EIF2AK1: variants seen among roughly 807,000 people sequenced by gnomAD.
EIF2AK1 encodes the protein eukaryotic translation initiation factor 2 alpha kinase 1.
Under a neutral mutation model 77.9 loss-of-function variants are expected in EIF2AK1, and 54 were observed. The ratio of observed to expected loss-of-function variants is 0.69; its 90% CI spans 0.56 to 0.87. The LOEUF is 0.87. Ranked by LOEUF, EIF2AK1 falls within the 40% of genes least tolerant of loss-of-function variation. The pLI is 0.00. For synonymous variants in EIF2AK1, 314 were observed against 290.5 expected, an observed-to-expected ratio of 1.08 and a Z score of -0.82; for missense variants, 810 against 768.6, an observed-to-expected ratio of 1.05 and a Z score of -0.64.
intron 11 of EIF2AK1, among the ~76,000 whole-genome samples, chr7:6,030,601 C>G (rs1176383482): frequency 6.6e-6 from 1 of 152,174 alleles, no homozygotes; most frequent in Non-Finnish European, 1.5e-5. Context: ...CAGGTTCAAA[C>G]AATTCTCCTG....
At chr7:6,057,126 CTT>C (rs34958065) in intron 1 of EIF2AK1, among the ~76,000 whole-genome samples, 130 of 90,710 alleles carry the variant, frequency 1.4e-3, no homozygotes, top group Non-Finnish European at 2.2e-3. Flanking sequence ...GACCCCATCT[CTT>C]TTTTTTTTTT....
Position 6,034,514 on chromosome 7 carries a change from A to T in EIF2AK1, c.1332+2910T>A, listed in dbSNP as rs528771953. ...TCCTACCCTGCATACTGCATGCACT[A>T]TGTGAGGCTTCTGCACCTCTCTAGA... On this transcript the variant is annotated intron_variant, in intron 11 of 14. Transcript: ENST00000199389. Among the ~76,000 whole-genome samples the T allele has an allele frequency of 2.6e-5, 4 of 151,984 alleles. No individual in the cohort carries two copies. In the South Asian group the frequency reaches 8.3e-4, roughly 32 times the overall value.
At position 6,042,797 on chromosome 7, in the gene EIF2AK1, C is replaced by T. The variant is rs1788335006; in HGVS notation, c.791+136G>A. 4.8e-6 allele frequency: 3 copies of T among 631,202 alleles called. No individual in the cohort carries two copies. The South Asian group carries it at 6.3e-5, about 13-fold the overall frequency. 39.1% of individuals were successfully genotyped at this position (631,202 alleles called of 1,614,324 possible). A position where few individuals can be genotyped will look rare whatever the true frequency, so the allele number is the denominator to read the frequency against. On this transcript the variant is annotated intron_variant, in intron 8 of 14. Coordinates refer to ENST00000199389, the MANE Select transcript of EIF2AK1 (RefSeq NM_014413.4). ...AGGAGAATCACTGCAACACAGGAGG[C>T]GGAGGTTGCAGTGAGCCAAGATTGT...
intron 2 of EIF2AK1, among the ~76,000 whole-genome samples, chr7:6,051,335 G>A (rs1419332324): frequency 6.8e-6 from 1 of 147,828 alleles, no homozygotes; most frequent in Non-Finnish European, 1.5e-5. Flanking sequence ...GCAATGGCAC[G>A]ATCTCGGCTC....
chr7:6,050,116 G>A (rs535789453), intron 2 of EIF2AK1, 71 bp from the exon 3 acceptor site: 7 of 1,258,250 alleles, frequency 5.6e-6, no homozygotes, highest in East Asian at 2.5e-5. Context: ...AGTGTACACA[G>A]AGAATAACGT....
chr7:6,027,083 A>T lies in EIF2AK1; in HGVS notation c.1531-122T>A. On this transcript the variant is annotated intron_variant, in intron 13 of 14. Transcript: ENST00000199389. This position sits in a 1 kb window ranked among gnomAD's most constrained non-coding sequence, Gnocchi z 4.5. ...TAAGAATGAGGATATACGGTCACCC[A>T]CAAGGAAGGGAACAGAGCAGGATAG... 1 of 793,934 alleles carries T rather than the reference A, an allele frequency of 1.3e-6. No individual in the cohort carries two copies. The highest frequency in any genetic ancestry group is 1.6e-5 in the South Asian group (1 of 62,694). 49.2% of individuals were successfully genotyped at this position (793,934 alleles called of 1,614,324 possible).
Position 6,046,156 on chromosome 7 carries a change from A to C in EIF2AK1, c.550-5T>G. ...ACCATCTAATTTATTCCTGACCTGA[A>C]AAGTAGAAAAAAAGACAAAGTATAT... On this transcript the variant is annotated splice_polypyrimidine_tract_variant and splice_region_variant and intron_variant, in intron 5 of 14. Transcript: ENST00000199389. 6.8e-7 allele frequency: 1 copy of C among 1,479,222 alleles called. No individual in the cohort carries two copies. The highest frequency in any genetic ancestry group is 9.1e-7 in the Non-Finnish European group (1 of 1,094,590). 91.6% of individuals were successfully genotyped at this position (1,479,222 alleles called of 1,614,324 possible).
chr7:6,053,514 G>A (rs1298685753), intron 2 of EIF2AK1, among the ~76,000 whole-genome samples: 5 of 151,428 alleles, frequency 3.3e-5, no homozygotes, highest in Non-Finnish European at 7.4e-5. Flanking sequence ...ACAGGTGCCC[G>A]CCACCATGCC....
At chr7:6,030,097 C>T (rs1260537802) in intron 11 of EIF2AK1, among the ~76,000 whole-genome samples, 1 of 152,192 alleles carries the variant, frequency 6.6e-6, no homozygotes, top group Non-Finnish European at 1.5e-5. Flanking sequence ...GCACCGGCAG[C>T]CAGCCTGCAA....
At chr7:6,041,960 A>G (rs1182444893) in intron 8 of EIF2AK1, among the ~76,000 whole-genome samples, 3 of 152,048 alleles carry the variant, frequency 2.0e-5, no homozygotes, top group Admixed American at 6.6e-5. Flanking sequence ...ACTAGCCTGA[A>G]CAGCATGGCA....
rs922771497 is a variant in EIF2AK1 at position 6,041,205 on chromosome 7, ACAC to A, written c.803_805del (p.Gly268del). On this transcript the variant is annotated inframe_deletion, in exon 9 of 15. Transcript: ENST00000199389. ...TGAGCTGCTACTTTCATCATTTTTA[ACAC>A]CACATTGCTCTCTGAAAAAAAAAAA... The A allele has an allele frequency of 1.9e-6, 3 of 1,604,630 alleles. No homozygotes were observed. In the African/African-American group the frequency reaches 4.2e-5, roughly 22 times the overall value.
chr7:6,041,860 A>G (rs1788308800), intron 8 of EIF2AK1, among the ~76,000 whole-genome samples: 1 of 151,348 alleles, frequency 6.6e-6, no homozygotes, highest in Non-Finnish European at 1.5e-5. Context: ...AAAAAAGCCA[A>G]TGTATAGGTC....
chr7:6,045,104 T>C (rs550045384), intron 6 of EIF2AK1, among the ~76,000 whole-genome samples: 3 of 151,922 alleles, frequency 2.0e-5, no homozygotes, highest in African/African-American at 4.8e-5. Context: ...GTTAAAATAA[T>C]AGAAATTTTT....
In EIF2AK1 at chr7:6,022,918, T is replaced by G; in HGVS notation, c.*1755A>C. Reference sequence around the variant, plus strand: ...GAGATAAGCGAGTTCATGTCATTCATATCTTAATTGCCCTCAGTCTCACAG... The same window carrying G: ...GAGATAAGCGAGTTCATGTCATTCAGATCTTAATTGCCCTCAGTCTCACAG... On this transcript the variant is annotated 3_prime_UTR_variant, in exon 15 of 15. Coordinates refer to ENST00000199389, the MANE Select transcript of EIF2AK1 (RefSeq NM_014413.4). The G allele has an allele frequency of 5.0e-6, 1 of 198,092 alleles. No homozygotes were observed. The highest frequency in any genetic ancestry group is 1.0e-5 in the Non-Finnish European group (1 of 96,788). 12.3% of individuals were successfully genotyped at this position (198,092 alleles called of 1,614,324 possible). A position where few individuals can be genotyped will look rare whatever the true frequency, so the allele number is the denominator to read the frequency against.
chr7:6,038,816 A>C, intron 9 of EIF2AK1, 145 bp from the exon 10 acceptor site: 1 of 565,888 alleles, frequency 1.8e-6, no homozygotes, highest in Non-Finnish European at 2.9e-6. Flanking sequence ...TTCTCTTTGC[A>C]AGACAGAAGT....
chr7:6,041,566 G>A (rs1056293424), intron 8 of EIF2AK1, among the ~76,000 whole-genome samples: 3 of 151,950 alleles, frequency 2.0e-5, no homozygotes, highest in African/African-American at 7.3e-5. Flanking sequence ...AGTCGGCCGG[G>A]TGCAGTGGCT....
intron 6 of EIF2AK1, 151 bp downstream of exon 6, chr7:6,045,920 T>A: frequency 2.3e-6 from 1 of 436,270 alleles, no homozygotes; most frequent in South Asian, 3.5e-5. Context: ...TAATAATAAT[T>A]TAATTTTGGT....
At chr7:6,031,957 T>C (rs1447243117) in intron 11 of EIF2AK1, among the ~76,000 whole-genome samples, 1 of 152,194 alleles carries the variant, frequency 6.6e-6, no homozygotes, top group African/African-American at 2.4e-5. Flanking sequence ...GTGGATCACC[T>C]GAGGTCAGGA....
At chr7:6,054,317 C>A (rs989717403) in intron 2 of EIF2AK1, among the ~76,000 whole-genome samples, 15 of 152,104 alleles carry the variant, frequency 9.9e-5, no homozygotes, top group African/African-American at 3.4e-4. Flanking sequence ...TGATTCTCCG[C>A]CTCAGCCTCC....
Sources: gnomAD v4.1 joint callset for allele counts (sites outside exome capture counted in the v4.1 genomes callset) on GRCh38, gnomAD v4.1.1 for gene constraint, Gnocchi (gnomAD v3.1) non-coding constraint, MANE v1.5 for transcripts, NCBI Gene and HGNC (gene_info 2026-07-23, HGNC 2026-07-21) for gene names.